The following ADAMTS2 variants were observed in gnomAD, a reference collection of about 807,000 sequenced individuals.
The protein encoded by ADAMTS2 is A disintegrin and metalloproteinase with thrombospondin motifs 2.
A neutral mutation model predicts 123.0 loss-of-function variants in ADAMTS2; 50 were observed. That is an observed-to-expected ratio of 0.41 (90% confidence interval 0.32 to 0.51). ADAMTS2 has a LOEUF of 0.51. ADAMTS2 is among the 20% of genes least tolerant of loss of function. The pLI is 0.35. For synonymous variants in ADAMTS2, 678 were observed against 695.4 expected, an observed-to-expected ratio of 0.98 and a Z score of 0.39; for missense variants, 1,494 against 1,705.2, an observed-to-expected ratio of 0.88 and a Z score of 2.18.
intron 2 of ADAMTS2, among the ~76,000 whole-genome samples, chr5:179,274,097 C>T (rs530661109): frequency 6.6e-6 from 1 of 151,742 alleles, no homozygotes; most frequent in Admixed American, 6.6e-5. Context: ...CCTCCCCTGC[C>T]ATCCAGCCTG....
Position 179,158,997 on chromosome 5 carries a change from C to T in ADAMTS2, c.976-118G>A, listed in dbSNP as rs1361166280. 3.0e-6 allele frequency: 4 copies of T among 1,347,376 alleles called. No homozygotes were observed. Among genetic ancestry groups the T allele is most frequent in the Non-Finnish European group, 4.1e-6 (4 of 985,100 alleles). The allele number at this position is 1,347,376 out of a possible 1,614,324, so 83.5% of individuals were successfully genotyped here. On this transcript the variant is annotated intron_variant, in intron 5 of 21. Coordinates refer to ENST00000251582, the MANE Select transcript of ADAMTS2 (RefSeq NM_014244.5). The surrounding 1 kb of genome is among the most constrained non-coding windows in gnomAD (Gnocchi z 5.0). ...CACTGGGAATCTGTTCCAGGTGGTA[C>T]AAAGGCCCTGCCCGGTCACTCTCAG... is the stretch of plus-strand genomic sequence containing the variant.
At chr5:179,187,605 C>A (rs557204528) in intron 4 of ADAMTS2, among the ~76,000 whole-genome samples, 43 of 152,292 alleles carry the variant, frequency 2.8e-4, no homozygotes, top group Admixed American at 1.6e-3. Context: ...CCCCTCCCCC[C>A]AGCAGCCCTG....
Position 179,129,977 on chromosome 5 carries a change from C to T in ADAMTS2, c.2412G>A (p.Glu804=), listed in dbSNP as rs766422618. 16 of 1,613,950 alleles carry T rather than the reference C, an allele frequency of 9.9e-6. No homozygotes were observed. Among genetic ancestry groups the T allele is most frequent in the Non-Finnish European group, 1.3e-5 (15 of 1,180,042 alleles). Residue 804 remains glutamate, a synonymous_variant, in exon 16 of 22, where the codon GAG becomes GAA. Coordinates refer to ENST00000251582, the MANE Select transcript of ADAMTS2 (RefSeq NM_014244.5). The surrounding 1 kb of genome is among the most constrained non-coding windows in gnomAD (Gnocchi z 4.1). The stretch of plus-strand genomic sequence containing the variant: ...GGAGGGGGCCCATGGTCTGCAGCGT[C>T]TCCCGGCCGTCCTCGTCTCTGTACT... ...EWEYRDEDGR[E]TLQTMGPLHG...
intron 2 of ADAMTS2, among the ~76,000 whole-genome samples, chr5:179,338,775 CA>C (rs1757689701): frequency 6.6e-6 from 1 of 152,092 alleles, no homozygotes. Context: ...CCTCTGGCTG[CA>C]GAGTGGAGAA....
intron 4 of ADAMTS2, among the ~76,000 whole-genome samples, chr5:179,201,399 C>T (rs1008965807): frequency 3.3e-5 from 5 of 151,994 alleles, no homozygotes; most frequent in African/African-American, 1.2e-4. Context: ...TCATATGGTG[C>T]GATGTTATGC....
chr5:179,289,555 A>G (rs1561692714), intron 2 of ADAMTS2, among the ~76,000 whole-genome samples: 1 of 152,214 alleles, frequency 6.6e-6, no homozygotes, highest in Non-Finnish European at 1.5e-5. Flanking sequence ...ATCACGTCAC[A>G]GCAGCTACCC....
rs538287078 is a variant in ADAMTS2, at chr5:179,334,208, G to A, written c.534+9559C>T. Among the ~76,000 whole-genome samples the A allele has an allele frequency of 5.3e-5, 8 of 152,316 alleles. No individual in the cohort carries two copies. The East Asian group carries it at 1.4e-3, about 26-fold the overall frequency. ...TCCTGTTCTTCCAGAAGTCACCCGC[G>A]TGGCCGGGAGGTGCTGGCTCCCCCA... On this transcript the variant is annotated intron_variant, in intron 2 of 21. Coordinates refer to ENST00000251582, the MANE Select transcript of ADAMTS2 (RefSeq NM_014244.5).
At position 179,197,907 on chromosome 5, in the gene ADAMTS2, A is replaced by C. The variant is rs114660039; in HGVS notation, c.891+9606T>G. ...CCTGTCAGGCCCAAGCCCACTCTTT[A>C]GGGGTGCCCAGGCCCACACACATGG... is the stretch of plus-strand genomic sequence containing the variant. On this transcript the variant is annotated intron_variant, in intron 4 of 21. Coordinates refer to ENST00000251582, the MANE Select transcript of ADAMTS2 (RefSeq NM_014244.5). The surrounding 1 kb of genome is among the most constrained non-coding windows in gnomAD (Gnocchi z 4.2). Among the ~76,000 whole-genome samples the C allele has an allele frequency of 0.019, 2,878 of 152,188 alleles. 101 individuals carry two copies. The highest frequency in any genetic ancestry group is 0.065 in the African/African-American group (2,710 of 41,498).
intron 19 of ADAMTS2, among the ~76,000 whole-genome samples, chr5:179,123,170 G>C (rs765058976): frequency 6.6e-6 from 1 of 152,222 alleles, no homozygotes; most frequent in African/African-American, 2.4e-5. Context: ...GGAGGCGCCA[G>C]TAGGCTCCCC....
chr5:179,253,623 G>GT (rs982234537), intron 3 of ADAMTS2, among the ~76,000 whole-genome samples: 6 of 151,132 alleles, frequency 4.0e-5, no homozygotes, highest in African/African-American at 1.5e-4. Context: ...TCCAGCCTGG[G>GT]TAACAAAGTG....
intron 5 of ADAMTS2, among the ~76,000 whole-genome samples, chr5:179,159,314 G>A (rs113936403): frequency 0.02 from 3,011 of 152,230 alleles, 57 homozygotes; most frequent in Non-Finnish European, 0.029. Context: ...CAGGGGAGGC[G>A]GAAATTCCAG....
At chr5:179,164,482 A>G (rs551838494) in intron 5 of ADAMTS2, among the ~76,000 whole-genome samples, 1 of 152,168 alleles carries the variant, frequency 6.6e-6, no homozygotes, top group South Asian at 2.1e-4. Context: ...GCAGGGCGGG[A>G]GCAATGAGGC....
Position 179,341,688 on chromosome 5 carries a change from C to T in ADAMTS2, c.534+2079G>A, listed in dbSNP as rs186880517. Among the ~76,000 whole-genome samples the T allele has an allele frequency of 1.8e-3, 261 of 145,514 alleles. 3 individuals are homozygous for T. The highest frequency in any genetic ancestry group is 6.6e-3 in the African/African-American group (256 of 38,986). ...TGAGATCGCGCCACTGCACTCCAGC[C>T]TGGGTAATAGAGTGAGACTCCGTCT... On this transcript the variant is annotated intron_variant, in intron 2 of 21. Transcript: ENST00000251582.
intron 5 of ADAMTS2, among the ~76,000 whole-genome samples, chr5:179,165,142 T>G (rs1163809528): frequency 6.6e-6 from 1 of 152,186 alleles, no homozygotes; most frequent in Non-Finnish European, 1.5e-5. Context: ...GTGGGTCACT[T>G]GGGCTCCAGC....
In ADAMTS2 at chr5:179,164,866, C is replaced by G. The variant is rs1763668189; in HGVS notation, c.976-5987G>C. On this transcript the variant is annotated intron_variant, in intron 5 of 21. Transcript: ENST00000251582. ...ACCCCAGAGCCCCCTTTCCTCCACC[C>G]ACTCCTCCCACTCCATGAGAGCTAC... Among the ~76,000 whole-genome samples, 5 of 152,338 alleles carry G rather than the reference C, an allele frequency of 3.3e-5. 1 individual carries two copies. The South Asian group carries it at 1.0e-3, about 32-fold the overall frequency.
In ADAMTS2 at chr5:179,260,800, C is replaced by T. The variant is rs952810034; in HGVS notation, c.688+12111G>A. Among the ~76,000 whole-genome samples, 9 of 152,192 alleles carry T rather than the reference C, an allele frequency of 5.9e-5. No homozygotes were observed. Among genetic ancestry groups the T allele is most frequent in the Admixed American group, 3.9e-4 (6 of 15,284 alleles). On this transcript the variant is annotated intron_variant, in intron 3 of 21. Coordinates refer to ENST00000251582, the MANE Select transcript of ADAMTS2 (RefSeq NM_014244.5). This position sits in a 1 kb window ranked among gnomAD's most constrained non-coding sequence, Gnocchi z 4.2. ...GCAGCGTGCTGGCAGACGCGGTCAA[C>T]GGTAAGTGCTCCAGGAACGCGTCAC...
chr5:179,159,632 G>A (rs1026366366), intron 5 of ADAMTS2, among the ~76,000 whole-genome samples: 33 of 152,102 alleles, frequency 2.2e-4, no homozygotes, highest in Admixed American at 5.9e-4. Context: ...GGGTGGCCTC[G>A]GGACCGCTCG....
rs141765535 is a variant in ADAMTS2 at position 179,308,505 on chromosome 5, C to T, written c.534+35262G>A. 1.2e-3 allele frequency among the ~76,000 whole-genome samples: 187 copies of T among 152,328 alleles called. No homozygotes were observed. Among genetic ancestry groups the T allele is most frequent in the African/African-American group, 4.4e-3 (181 of 41,578 alleles). On this transcript the variant is annotated intron_variant, in intron 2 of 21. Coordinates refer to ENST00000251582, the MANE Select transcript of ADAMTS2 (RefSeq NM_014244.5). The surrounding 1 kb of genome is among the most constrained non-coding windows in gnomAD (Gnocchi z 6.6). ...GCAGGGGCACCAGAGCCCACAGGAG[C>T]TCCTGCAATGCGATGACCATGCCTG...
chr5:179,330,160 G>C (rs1214469094), intron 2 of ADAMTS2, among the ~76,000 whole-genome samples: 1 of 147,682 alleles, frequency 6.8e-6, no homozygotes, highest in Non-Finnish European at 1.5e-5. Flanking sequence ...AAGGAAACAA[G>C]TTTCAACAAT....
Sources: gnomAD v4.1 joint callset for allele counts (sites outside exome capture counted in the v4.1 genomes callset) on GRCh38, gnomAD v4.1.1 for gene constraint, Gnocchi (gnomAD v3.1) non-coding constraint, MANE v1.5 for transcripts, NCBI Gene and HGNC (gene_info 2026-07-23, HGNC 2026-07-21) for gene names.